WWOX: variants seen among roughly 807,000 people sequenced by gnomAD.
The protein encoded by WWOX is WW domain-containing oxidoreductase.
Under a neutral mutation model 46.2 loss-of-function variants are expected in WWOX, and 69 were observed. The observed-to-expected ratio is 1.49, with a 90% CI of 1.23 to 1.82. The LOEUF (loss-of-function observed/expected upper bound fraction) is 1.82. Ranked by LOEUF, WWOX falls within the 40% of genes most tolerant of loss-of-function variation. The pLI, the probability that WWOX is intolerant of heterozygous loss-of-function variation, is 0.00. For missense variants in WWOX, 919 were observed against 542.6 expected, an observed-to-expected ratio of 1.69 and a Z score of -6.89; for synonymous variants, 359 against 202.6, an observed-to-expected ratio of 1.77 and a Z score of -6.56.
chr16:78,804,256 G>C (rs979938413), intron 8 of WWOX, among the ~76,000 whole-genome samples: 1 of 152,088 alleles, frequency 6.6e-6, no homozygotes, highest in African/African-American at 2.4e-5. Context: ...TAAATTCTGA[G>C]GGCTGACACT....
intron 8 of WWOX, among the ~76,000 whole-genome samples, chr16:79,069,716 T>A (rs1016703113): frequency 6.6e-6 from 1 of 152,166 alleles, no homozygotes; most frequent in African/African-American, 2.4e-5. Context: ...AATGAGGCAG[T>A]GTGTGGTCAC....
intron 8 of WWOX, among the ~76,000 whole-genome samples, chr16:78,668,769 T>G (rs1416501065): frequency 2.6e-5 from 4 of 152,060 alleles, no homozygotes; most frequent in African/African-American, 4.8e-5. Flanking sequence ...AGGAAGAAAG[T>G]GCATTCTGAA....
intron 8 of WWOX, among the ~76,000 whole-genome samples, chr16:78,882,266 A>T (rs939580893): frequency 6.6e-6 from 1 of 152,226 alleles, no homozygotes; most frequent in Non-Finnish European, 1.5e-5. Flanking sequence ...TTTGACAATT[A>T]TACCTAGGGA....
intron 8 of WWOX, among the ~76,000 whole-genome samples, chr16:78,950,979 G>A (rs546511198): frequency 4.9e-4 from 74 of 152,252 alleles, no homozygotes; most frequent in South Asian, 2.1e-3. Flanking sequence ...CCGCTCAACC[G>A]CCTCTCTTAA....
chr16:78,455,757 A>C lies in WWOX; in HGVS notation c.1056+23005A>C, dbSNP rs546941035. ...TATAGCAAAGGTTCAAGTAATGAAC[A>C]TGAATTTGTAATGATGCCTGGGGGA... On this transcript the variant is annotated intron_variant, in intron 8 of 8. Coordinates refer to ENST00000566780, the MANE Select transcript of WWOX (RefSeq NM_016373.4). Among the ~76,000 whole-genome samples, 13 of 151,258 alleles carry C rather than the reference A, an allele frequency of 8.6e-5. No individual in the cohort carries two copies. The South Asian group carries it at 2.7e-3, about 32-fold the overall frequency.
intron 8 of WWOX, among the ~76,000 whole-genome samples, chr16:78,609,580 C>T (rs8050198): frequency 0.15 from 22,206 of 151,060 alleles, 3,582 homozygotes; most frequent in African/African-American, 0.41. Flanking sequence ...CATACCCCTC[C>T]TAGGAGACAG....
intron 8 of WWOX, among the ~76,000 whole-genome samples, chr16:79,163,706 G>A (rs574341660): frequency 3.3e-5 from 5 of 150,222 alleles, no homozygotes; most frequent in African/African-American, 1.2e-4. Context: ...GCTGAGGCAG[G>A]AGAATCACTG....
chr16:79,176,763 A>AATAT (rs2050808193), intron 8 of WWOX, among the ~76,000 whole-genome samples: 1 of 152,132 alleles, frequency 6.6e-6, no homozygotes, highest in South Asian at 2.1e-4. Flanking sequence ...ATTTTCTCAT[A>AATAT]ATATAGAGTC....
chr16:78,312,993 TTG>T (rs1240629975), intron 5 of WWOX, among the ~76,000 whole-genome samples: 1 of 152,214 alleles, frequency 6.6e-6, no homozygotes, highest in African/African-American at 2.4e-5. Flanking sequence ...TGTTGAGTGA[TTG>T]TGAATGTTTT....
chr16:78,633,454 C>T (rs994019326), intron 8 of WWOX, among the ~76,000 whole-genome samples: 5 of 152,118 alleles, frequency 3.3e-5, no homozygotes, highest in African/African-American at 9.7e-5. Context: ...CATTTTGTAC[C>T]GTATGACTTT....
intron 8 of WWOX, among the ~76,000 whole-genome samples, chr16:78,865,705 C>G (rs927431732): frequency 1.3e-5 from 2 of 152,076 alleles, no homozygotes; most frequent in African/African-American, 4.8e-5. Context: ...CATGGTGAAA[C>G]CCCATCTCTA....
rs565510086 is a variant in WWOX at position 78,916,478 on chromosome 16, C to A, written c.1057-295130C>A. ...CTAAAGAGAATTTGGGGAGATTCTGCTCTAAAGGGAAAAGCTTTGTAAAGG... is the reference window on the plus strand; with the variant it reads ...CTAAAGAGAATTTGGGGAGATTCTGATCTAAAGGGAAAAGCTTTGTAAAGG... On this transcript the variant is annotated intron_variant, in intron 8 of 8. Coordinates refer to ENST00000566780, the MANE Select transcript of WWOX (RefSeq NM_016373.4). 1.5e-4 allele frequency among the ~76,000 whole-genome samples: 23 copies of A among 152,256 alleles called. No individual in the cohort carries two copies. The South Asian group carries it at 2.5e-3, about 16-fold the overall frequency.
chr16:78,424,706 G>A (rs1407779241), intron 6 of WWOX, among the ~76,000 whole-genome samples, 164 bp from the exon 7 acceptor site: 1 of 152,168 alleles, frequency 6.6e-6, no homozygotes, highest in African/African-American at 2.4e-5. Context: ...TTTCTACATG[G>A]TGGGAATCTA....
At chr16:78,510,023 C>A (rs1249750280) in intron 8 of WWOX, among the ~76,000 whole-genome samples, 2 of 152,010 alleles carry the variant, frequency 1.3e-5, no homozygotes, top group Non-Finnish European at 2.9e-5. Context: ...GATTGTGCCA[C>A]TGCTCTCTGG....
chr16:79,202,056 T>G (rs951970223), intron 8 of WWOX, among the ~76,000 whole-genome samples: 3 of 89,822 alleles, frequency 3.3e-5, no homozygotes, highest in Admixed American at 2.9e-4. Context: ...GCCCAGTGCC[T>G]TTTTTTTTAT....
chr16:78,654,953 C>G (rs1054623819), intron 8 of WWOX, among the ~76,000 whole-genome samples: 4 of 151,986 alleles, frequency 2.6e-5, no homozygotes, highest in Admixed American at 2.0e-4. Flanking sequence ...AAACATTGAT[C>G]ATCTATGTGA....
chr16:78,184,306 G>T (rs2035626580), intron 5 of WWOX, among the ~76,000 whole-genome samples: 1 of 152,072 alleles, frequency 6.6e-6, no homozygotes, highest in African/African-American at 2.4e-5. Context: ...GGGGTGGGCT[G>T]GGGTAGGCAA....
intron 8 of WWOX, among the ~76,000 whole-genome samples, chr16:79,192,812 CTG>C (rs2051163486): frequency 6.6e-6 from 1 of 152,232 alleles, no homozygotes; most frequent in Non-Finnish European, 1.5e-5. Context: ...AATCGCAACT[CTG>C]TCATTCACCA....
At chr16:78,115,879 A>T (rs1426583508) in intron 4 of WWOX, among the ~76,000 whole-genome samples, 1 of 152,174 alleles carries the variant, frequency 6.6e-6, no homozygotes, top group Admixed American at 6.5e-5. Context: ...ATTTGTCGAC[A>T]TATGAAACGT....
Sources: allele counts gnomAD v4.1 joint callset (sites outside exome capture counted in the v4.1 genomes callset), GRCh38; gene constraint gnomAD v4.1.1; transcripts MANE v1.5; gene names NCBI Gene and HGNC (gene_info 2026-07-23, HGNC 2026-07-21).